The following ROBO1 variants were observed in gnomAD, a reference collection of about 807,000 sequenced individuals.
ROBO1 encodes the protein roundabout guidance receptor 1.
Under a neutral mutation model 195.9 loss-of-function variants are expected in ROBO1, and 149 were observed. That is an observed-to-expected ratio of 0.76 (90% CI 0.67 to 0.87). The LOEUF is 0.87. Ranked by LOEUF, ROBO1 falls within the 40% of genes least tolerant of loss-of-function variation. The pLI, the probability that ROBO1 is intolerant of heterozygous loss-of-function variation, is 0.00. For missense variants in ROBO1, 1,933 were observed against 2,068.3 expected (o/e 0.93, Z 1.27); for synonymous variants, 816 against 733.2 (o/e 1.11, Z -1.82).
At chr3:79,256,654 T>C (rs1435443059) in intron 2 of ROBO1, among the ~76,000 whole-genome samples, 1 of 152,200 alleles carries the variant, frequency 6.6e-6, no homozygotes, top group African/African-American at 2.4e-5. Context: ...GATGAACTCA[T>C]AAGACTTAAG....
chr3:78,779,027 T>C (rs2083589327), intron 4 of ROBO1, among the ~76,000 whole-genome samples: 2 of 152,106 alleles, frequency 1.3e-5, no homozygotes, highest in African/African-American at 4.8e-5. Flanking sequence ...ATTTAATAAA[T>C]GGTGCTGGGA....
intron 2 of ROBO1, among the ~76,000 whole-genome samples, chr3:79,196,676 T>A (rs558729001): frequency 6.6e-6 from 1 of 151,920 alleles, no homozygotes; most frequent in South Asian, 2.1e-4. Context: ...GTTTGGAATG[T>A]GTAACTGCTA....
Position 78,884,648 on chromosome 3 carries a change from A to G in ROBO1, c.499+53953T>C, listed in dbSNP as rs865818184. 5.1e-3 allele frequency among the ~76,000 whole-genome samples: 547 copies of G among 107,416 alleles called. 5 individuals are homozygous for G. Among genetic ancestry groups the G allele is most frequent in the East Asian group, 0.013 (47 of 3,530 alleles). The allele number at this position is 107,416 out of a possible 152,430, so 70.5% of individuals were successfully genotyped here. The stretch of plus-strand genomic sequence containing the variant: ...GAGAAAGAAAGAGAAAGAAAGAAAG[A>G]AAGGAAGGAAGGAAGGAAGGAAGGA... On this transcript the variant is annotated intron_variant, in intron 4 of 30. Transcript: ENST00000464233.
At chr3:79,499,803 C>G (rs1939958535) in intron 2 of ROBO1, among the ~76,000 whole-genome samples, 2 of 152,018 alleles carry the variant, frequency 1.3e-5, no homozygotes, top group African/African-American at 4.8e-5. Context: ...AGATCAATGA[C>G]TGGGCAAGTT....
intron 3 of ROBO1, among the ~76,000 whole-genome samples, chr3:78,942,718 T>C (rs777602140): frequency 1.3e-5 from 2 of 152,128 alleles, no homozygotes; most frequent in Non-Finnish European, 1.5e-5. Flanking sequence ...ATACAGCCAA[T>C]GATTAAATCC....
chr3:79,069,202 TTAA>T (rs2079049071), intron 3 of ROBO1, among the ~76,000 whole-genome samples: 1 of 151,940 alleles, frequency 6.6e-6, no homozygotes, highest in African/African-American at 2.4e-5. Flanking sequence ...TTTATTTCTG[TTAA>T]TAATATTTCC....
At chr3:78,914,924 C>A (rs1442889055) in intron 4 of ROBO1, among the ~76,000 whole-genome samples, 1 of 151,536 alleles carries the variant, frequency 6.6e-6, no homozygotes, top group African/African-American at 2.4e-5. Flanking sequence ...AATGTACTTT[C>A]TCAAGGATCA....
At chr3:79,386,458 A>C (rs572116747) in intron 2 of ROBO1, among the ~76,000 whole-genome samples, 1 of 152,260 alleles carries the variant, frequency 6.6e-6, no homozygotes, top group African/African-American at 2.4e-5. Flanking sequence ...CAACGTATAA[A>C]GTAAGGTCAA....
At chr3:78,751,618 C>G (rs1026843012) in intron 4 of ROBO1, among the ~76,000 whole-genome samples, 8 of 152,110 alleles carry the variant, frequency 5.3e-5, no homozygotes, top group African/African-American at 1.9e-4. Flanking sequence ...CAGACTCATT[C>G]TATTGTAACA....
intron 1 of ROBO1, among the ~76,000 whole-genome samples, chr3:79,672,115 T>G (rs1057010961): frequency 5.9e-5 from 9 of 151,992 alleles, no homozygotes; most frequent in African/African-American, 2.2e-4. Context: ...GTTCACCCTG[T>G]GAGTTCATAA....
chr3:78,961,194 A>G (rs1251908792), intron 3 of ROBO1, among the ~76,000 whole-genome samples: 1 of 152,150 alleles, frequency 6.6e-6, no homozygotes, highest in Non-Finnish European at 1.5e-5. Context: ...CAAATCTGAC[A>G]CCCAAAAGTA....
At chr3:79,520,520 G>A (rs964579206) in intron 2 of ROBO1, among the ~76,000 whole-genome samples, 3 of 152,156 alleles carry the variant, frequency 2.0e-5, no homozygotes, top group Non-Finnish European at 4.4e-5. Context: ...CATGGCAAAT[G>A]TTTAATATTT....
At chr3:78,746,700 G>A (rs1454383554) in intron 5 of ROBO1, 43 bp downstream of exon 5, 5 of 1,380,660 alleles carry the variant, frequency 3.6e-6, no homozygotes, top group Non-Finnish European at 4.8e-6. Flanking sequence ...GATACACACA[G>A]TTAGACCAAC....
intron 3 of ROBO1, among the ~76,000 whole-genome samples, chr3:79,122,820 C>T (rs2080144600): frequency 6.6e-6 from 1 of 151,682 alleles, no homozygotes; most frequent in South Asian, 2.1e-4. Flanking sequence ...ATTTCATGTT[C>T]CCCCCAAAAA....
intron 4 of ROBO1, among the ~76,000 whole-genome samples, chr3:78,916,245 C>CAAAAAA (rs34944563): frequency 4.4e-5 from 4 of 91,952 alleles, no homozygotes; most frequent in African/African-American, 1.7e-4. Context: ...GAGACTCCGT[C>CAAAAAA]AAAAAAAAAA....
intron 3 of ROBO1, among the ~76,000 whole-genome samples, chr3:78,981,094 A>G (rs2107985676): frequency 6.6e-6 from 1 of 152,330 alleles, no homozygotes; most frequent in South Asian, 2.1e-4. Flanking sequence ...AAACTGGAGC[A>G]TAAAATGTTT....
chr3:79,166,331 A>G (rs2081062521), intron 2 of ROBO1, among the ~76,000 whole-genome samples: 1 of 152,166 alleles, frequency 6.6e-6, no homozygotes, highest in South Asian at 2.1e-4. Flanking sequence ...TGTATTATTT[A>G]TGATGGTTAT....
At position 78,597,933 on chromosome 3, in the gene ROBO1, G is replaced by T. The variant is rs1575748555; in HGVS notation, c.*980C>A. The T allele has an allele frequency of 1.5e-5, 2 of 129,256 alleles. No homozygotes were observed. Among genetic ancestry groups the T allele is most frequent in the African/African-American group, 6.0e-5 (2 of 33,234 alleles). The allele number at this position is 129,256 out of a possible 1,614,324, so 8.0% of individuals were successfully genotyped here. On this transcript the variant is annotated 3_prime_UTR_variant, in exon 31 of 31. Coordinates refer to ENST00000464233, the MANE Select transcript of ROBO1 (RefSeq NM_002941.4). ...CAATGGTTTACAAATAAAGTTTAGT[G>T]ATTGTGCTTTTAAAACCAAAAAAAA...
chr3:79,523,461 C>CTTTTTTTTTTT (rs11357931), intron 2 of ROBO1, among the ~76,000 whole-genome samples: 1 of 134,820 alleles, frequency 7.4e-6, no homozygotes, highest in Admixed American at 7.6e-5. Flanking sequence ...ATTTTTCTTT[C>CTTTTTTTTTTT]TTTTTTTTTT....
Sources: allele counts gnomAD v4.1 joint callset (sites outside exome capture counted in the v4.1 genomes callset), GRCh38; gene constraint gnomAD v4.1.1; transcripts MANE v1.5; gene names NCBI Gene and HGNC (gene_info 2026-07-23, HGNC 2026-07-21).